Variants in RHOU observed in about 807,000 individuals in gnomAD.
RHOU encodes rho-related GTP-binding protein RhoU.
RHOU carries 8 observed loss-of-function variants against 12.6 expected under a neutral mutation model. The ratio of observed to expected loss-of-function variants is 0.64; its 90% CI spans 0.37 to 1.15. The LOEUF is 1.15. Among genes scored for constraint, RHOU ranks in the 50% most tolerant of loss-of-function variants. The probability of loss-of-function intolerance (pLI) is 0.01; values close to 1 mark genes in which losing one functional copy is unlikely to be tolerated. For synonymous variants in RHOU, 161 were observed against 147.4 expected (o/e 1.09, Z -0.67); for missense variants, 258 against 347.0 (o/e 0.74, Z 2.04).
chr1:228,717,227 A>G, the RHOU span, among the ~76,000 whole-genome samples: 3 of 152,234 alleles, frequency 2.0e-5, no homozygotes, highest in Non-Finnish European at 4.4e-5. Flanking sequence ...CCTATTTGAT[A>G]TATCTACTTT....
the RHOU span, among the ~76,000 whole-genome samples, chr1:228,729,860 G>A: frequency 6.6e-6 from 1 of 152,150 alleles, no homozygotes; most frequent in Non-Finnish European, 1.5e-5. Context: ...TATCTACAAG[G>A]TGATGGCAGG....
the RHOU span, among the ~76,000 whole-genome samples, chr1:228,678,300 T>C: frequency 6.6e-6 from 1 of 152,202 alleles, no homozygotes; most frequent in Non-Finnish European, 1.5e-5. Flanking sequence ...AGGAGATATT[T>C]TCCTTGGTCC....
At chr1:228,720,046 A>C in the RHOU span, among the ~76,000 whole-genome samples, 2 of 152,290 alleles carry the variant, frequency 1.3e-5, no homozygotes, top group East Asian at 3.9e-4. Context: ...TCCTATTAGA[A>C]GCCAGGCAAG....
chr1:228,650,690 A>C, the RHOU span: 10 of 485,118 alleles, frequency 2.1e-5, 1 homozygote, highest in South Asian at 1.2e-4. Flanking sequence ...GAGAGCTCTC[A>C]TCAGCCAGTG....
At chr1:228,670,339 C>T in the RHOU span, among the ~76,000 whole-genome samples, 3 of 152,208 alleles carry the variant, frequency 2.0e-5, no homozygotes, top group East Asian at 1.9e-4. Flanking sequence ...GGGGCCTCTT[C>T]GCTAGCTGGG....
chr1:228,650,440 C>T, the RHOU span: 1 of 456,844 alleles, frequency 2.2e-6, no homozygotes, highest in South Asian at 1.5e-5. Flanking sequence ...TACTTGCTGC[C>T]AGATGCCTCG....
In RHOU at chr1:228,745,909, G is replaced by A. The variant is rs963930298; in HGVS notation, c.*2169G>A. ...ACACAAAACTTGAAAGAAGTTTTAT[G>A]CGTGTGACAGTGTATGGGGCTGCAG... is the stretch of plus-strand genomic sequence containing the variant. On this transcript the variant is annotated 3_prime_UTR_variant, in exon 3 of 3. Coordinates refer to ENST00000366691, the MANE Select transcript of RHOU (RefSeq NM_021205.6). 4 of 152,244 alleles carry A rather than the reference G, an allele frequency of 2.6e-5. No individual in the cohort carries two copies. The highest frequency in any genetic ancestry group is 9.6e-5 in the African/African-American group (4 of 41,452). The allele number at this position is 152,244 out of a possible 1,614,324, so 9.4% of individuals were successfully genotyped here.
chr1:228,720,148 C>T, the RHOU span, among the ~76,000 whole-genome samples: 7 of 151,810 alleles, frequency 4.6e-5, no homozygotes, highest in South Asian at 4.2e-4. Flanking sequence ...GGCAACATAG[C>T]GAGACCCCGT....
the RHOU span, among the ~76,000 whole-genome samples, chr1:228,682,536 AG>A: frequency 1.3e-4 from 20 of 152,228 alleles, no homozygotes; most frequent in African/African-American, 4.8e-4. Flanking sequence ...TTTTCCAGGC[AG>A]GGGGTGGATC....
upstream of RHOU, among the ~76,000 whole-genome samples, chr1:228,731,716 CCTT>C (rs1163197753): frequency 6.6e-6 from 1 of 151,816 alleles, no homozygotes; most frequent in Admixed American, 6.6e-5. Context: ...GGAGAAGACA[CCTT>C]CTCTGACATG....
At chr1:228,675,619 C>T in the RHOU span, among the ~76,000 whole-genome samples, 1 of 152,198 alleles carries the variant, frequency 6.6e-6, no homozygotes, top group African/African-American at 2.4e-5. Flanking sequence ...ACTTTTATTA[C>T]ATCTATTCTT....
the RHOU span, among the ~76,000 whole-genome samples, chr1:228,710,338 C>T: frequency 1.3e-5 from 2 of 152,066 alleles, no homozygotes; most frequent in Non-Finnish European, 2.9e-5. Context: ...GATACCAAAG[C>T]CGGGCAGAGA....
the RHOU span, among the ~76,000 whole-genome samples, chr1:228,680,086 C>A: frequency 1.3e-5 from 2 of 152,078 alleles, no homozygotes; most frequent in Non-Finnish European, 2.9e-5. Flanking sequence ...GGGAAACACA[C>A]CCTTGAAAAG....
the RHOU span, among the ~76,000 whole-genome samples, chr1:228,690,716 C>G: frequency 6.6e-6 from 1 of 152,140 alleles, no homozygotes; most frequent in East Asian, 1.9e-4. Context: ...CTTCTGATTT[C>G]AAGCGATTCT....
Position 228,743,551 on chromosome 1 carries a change from A to G in RHOU, c.588A>G (p.Lys196=), listed in dbSNP as rs764953016. The G allele has an allele frequency of 4.3e-6, 7 of 1,614,104 alleles. No individual in the cohort carries two copies. In the Admixed American group the frequency reaches 1.2e-4, roughly 27 times the overall value. Reference sequence around the variant, plus strand: ...CTAAGCTGTGCGCCGAGGAAATCAAAGCCGCCTCCTACATCGAGTGTTCAG... The same window carrying G: ...CTAAGCTGTGCGCCGAGGAAATCAAGGCCGCCTCCTACATCGAGTGTTCAG... The part of the protein sequence containing the change: ...EAAKLCAEEI[K]AASYIECSAL... The change falls in exon 3 of 3, where the codon AAA becomes AAG. Residue 196 remains lysine (K), a synonymous_variant. Transcript: ENST00000366691. The surrounding 1 kb of genome is among the most constrained non-coding windows in gnomAD (Gnocchi z 5.1).
chr1:228,707,790 G>C, the RHOU span, among the ~76,000 whole-genome samples: 3 of 152,142 alleles, frequency 2.0e-5, no homozygotes. Flanking sequence ...CACCAGCAAC[G>C]GAACAAAGCT....
chr1:228,722,942 A>T, the RHOU span, among the ~76,000 whole-genome samples: 1 of 152,134 alleles, frequency 6.6e-6, no homozygotes, highest in African/African-American at 2.4e-5. Flanking sequence ...TTATACATGT[A>T]AACTCAAGAC....
chr1:228,680,809 C>A, the RHOU span, among the ~76,000 whole-genome samples: 10 of 152,238 alleles, frequency 6.6e-5, no homozygotes, highest in East Asian at 1.9e-3. Context: ...TTAAGTTTGT[C>A]ATAATTAACA....
chr1:228,662,477 T>C, the RHOU span, among the ~76,000 whole-genome samples: 1 of 152,152 alleles, frequency 6.6e-6, no homozygotes, highest in East Asian at 1.9e-4. Flanking sequence ...GTGGCACATA[T>C]ACACCATGGA....
Sources: allele counts gnomAD v4.1 joint callset (sites outside exome capture counted in the v4.1 genomes callset), GRCh38; gene constraint gnomAD v4.1.1; non-coding constraint Gnocchi (gnomAD v3.1); transcripts MANE v1.5; gene names NCBI Gene and HGNC (gene_info 2026-07-23, HGNC 2026-07-21).